The following GLCCI1 variants were observed in gnomAD, a reference collection of about 807,000 sequenced individuals.
GLCCI1 encodes the protein glucocorticoid-induced transcript 1 protein.
Under a neutral mutation model 52.2 loss-of-function variants are expected in GLCCI1, and 24 were observed. The observed-to-expected ratio is 0.46, with a 90% confidence interval of 0.33 to 0.65. The LOEUF is 0.65. Ranked by LOEUF, GLCCI1 falls within the 30% of genes least tolerant of loss-of-function variation. GLCCI1 has a pLI of 0.02. For synonymous variants in GLCCI1, 310 were observed against 276.5 expected, an observed-to-expected ratio of 1.12 and a Z score of -1.20; for missense variants, 704 against 701.5, an observed-to-expected ratio of 1.00 and a Z score of -0.04.
chr7:8,060,565 A>T (rs1024960637), intron 5 of GLCCI1, among the ~76,000 whole-genome samples: 8 of 152,208 alleles, frequency 5.3e-5, no homozygotes, highest in African/African-American at 1.9e-4. Flanking sequence ...TAGATGTTTC[A>T]TATCAATGGA....
At chr7:8,025,355 T>A (rs1025466901) in intron 3 of GLCCI1, among the ~76,000 whole-genome samples, 2 of 151,672 alleles carry the variant, frequency 1.3e-5, no homozygotes, top group Non-Finnish European at 2.9e-5. Context: ...AAATAAAAAA[T>A]AATAAAAGAA....
rs774932596 is a variant in GLCCI1, at chr7:7,992,599, T to C, written c.458-11309T>C. 4.6e-5 allele frequency among the ~76,000 whole-genome samples: 7 copies of C among 152,102 alleles called. 1 individual carries two copies. The highest frequency in any genetic ancestry group is 8.8e-5 in the Non-Finnish European group (6 of 67,966). On this transcript the variant is annotated intron_variant, in intron 1 of 7. Coordinates refer to ENST00000223145, the MANE Select transcript of GLCCI1 (RefSeq NM_138426.4). ...GATATAAGTATGTCCTTTCCGTATG[T>C]CCTTTCAAGTTATCTTTTATTTTAG...
intron 1 of GLCCI1, among the ~76,000 whole-genome samples, chr7:8,002,520 G>C (rs1781070111): frequency 6.6e-6 from 1 of 152,014 alleles, no homozygotes; most frequent in Non-Finnish European, 1.5e-5. Flanking sequence ...ATCAATTCTT[G>C]GGTCAAAGGA....
chr7:8,068,100 C>G (rs1782673001), intron 5 of GLCCI1, among the ~76,000 whole-genome samples: 1 of 152,052 alleles, frequency 6.6e-6, no homozygotes, highest in Non-Finnish European at 1.5e-5. Context: ...GCCTATAATC[C>G]TAGCACTTTG....
intron 6 of GLCCI1, chr7:8,078,549 TA>T (rs1355339700): frequency 1.2e-4 from 18 of 152,336 alleles, no homozygotes; most frequent in African/African-American, 4.3e-4. Flanking sequence ...TTTAAAAGAT[TA>T]AAAGTGTGTA....
At chr7:8,032,366 A>G (rs939439135) in intron 3 of GLCCI1, among the ~76,000 whole-genome samples, 1 of 152,080 alleles carries the variant, frequency 6.6e-6, no homozygotes, top group Admixed American at 6.6e-5. Flanking sequence ...GAAAAAGAAA[A>G]GCAAATCAGA....
At position 8,088,338 on chromosome 7, in the gene GLCCI1, C is replaced by G. The variant is rs1186736616; in HGVS notation, c.*1800C>G. The G allele has an allele frequency of 6.6e-6, 1 of 151,786 alleles. No homozygotes were observed. Among genetic ancestry groups the G allele is most frequent in the African/African-American group, 2.4e-5 (1 of 41,110 alleles). 9.4% of individuals were successfully genotyped at this position (151,786 alleles called of 1,614,324 possible). On this transcript the variant is annotated 3_prime_UTR_variant, in exon 8 of 8. Coordinates refer to ENST00000223145, the MANE Select transcript of GLCCI1 (RefSeq NM_138426.4). Reference sequence around the variant, plus strand: ...CCACCAAAGTTTGTCGTAATATTTTCTCCTGAAGGTGCATTCTGGCTCCTT... The same window carrying G: ...CCACCAAAGTTTGTCGTAATATTTTGTCCTGAAGGTGCATTCTGGCTCCTT...
chr7:8,036,823 G>T (rs1164385688), intron 3 of GLCCI1, among the ~76,000 whole-genome samples: 2 of 152,082 alleles, frequency 1.3e-5, no homozygotes, highest in Non-Finnish European at 2.9e-5. Flanking sequence ...CATGAAGACA[G>T]GTCCTGCAAG....
chr7:8,087,665 A>G lies in GLCCI1; in HGVS notation c.*1127A>G. 6.5e-6 allele frequency: 1 copy of G among 152,732 alleles called. No homozygotes were observed. 9.5% of individuals were successfully genotyped at this position (152,732 alleles called of 1,614,324 possible). A position where few individuals can be genotyped will look rare whatever the true frequency, so the allele number is the denominator to read the frequency against. The stretch of plus-strand genomic sequence containing the variant: ...CATACTTTTTGTTATTGTCTTCCTC[A>G]AGCAGTTTAGGTGCATGATCTTCAT... On this transcript the variant is annotated 3_prime_UTR_variant, in exon 8 of 8. Coordinates refer to ENST00000223145, the MANE Select transcript of GLCCI1 (RefSeq NM_138426.4).
intron 7 of GLCCI1, 76 bp downstream of exon 7, chr7:8,085,093 G>T (rs1783075434): frequency 1.3e-6 from 2 of 1,501,868 alleles, no homozygotes; most frequent in Non-Finnish European, 1.8e-6. Context: ...GATTACATAT[G>T]AATCAACTAC....
intron 3 of GLCCI1, among the ~76,000 whole-genome samples, chr7:8,023,143 G>A (rs559387137): frequency 2.0e-5 from 3 of 152,248 alleles, no homozygotes; most frequent in South Asian, 4.1e-4. Flanking sequence ...AGCCTCCCGA[G>A]TAGCTGGGAG....
chr7:8,010,322 G>C (rs1781239684), intron 2 of GLCCI1, among the ~76,000 whole-genome samples: 2 of 152,156 alleles, frequency 1.3e-5, no homozygotes, highest in African/African-American at 4.8e-5. Flanking sequence ...GATTTAAAAT[G>C]CTTTTGATTA....
chr7:8,019,093 A>G lies in GLCCI1; in HGVS notation c.610-3390A>G, dbSNP rs1262017327. The stretch of plus-strand genomic sequence containing the variant: ...TAATCATCAGCTTTAAATAGATTTG[A>G]TTTTGGTAGCCATCTTTTGGTTTTG... On this transcript the variant is annotated intron_variant, in intron 2 of 7. Coordinates refer to ENST00000223145, the MANE Select transcript of GLCCI1 (RefSeq NM_138426.4). 2.0e-5 allele frequency among the ~76,000 whole-genome samples: 3 copies of G among 152,206 alleles called. No individual in the cohort carries two copies. In the East Asian group the frequency reaches 5.8e-4, roughly 29 times the overall value.
intron 6 of GLCCI1, among the ~76,000 whole-genome samples, chr7:8,079,410 G>A (rs1038101335): frequency 6.7e-6 from 1 of 149,732 alleles, no homozygotes; most frequent in Non-Finnish European, 1.5e-5. Flanking sequence ...AAAATATTTT[G>A]TGCAATCCAA....
chr7:8,000,560 C>T (rs38004), intron 1 of GLCCI1, among the ~76,000 whole-genome samples: 63,216 of 151,640 alleles, frequency 0.42, 13,455 homozygotes, highest in Middle Eastern at 0.52. Context: ...CCAGAAGGCT[C>T]GCTACAATGT....
chr7:7,992,187 C>T (rs1780855724), intron 1 of GLCCI1, among the ~76,000 whole-genome samples: 1 of 150,900 alleles, frequency 6.6e-6, no homozygotes. Flanking sequence ...AGTTATCAGA[C>T]ATTCTGGAAA....
chr7:8,070,286 C>T (rs1260795938), intron 5 of GLCCI1: 2 of 152,166 alleles, frequency 1.3e-5, no homozygotes, highest in African/African-American at 4.8e-5. Flanking sequence ...AGTAGTCCTA[C>T]TTAGTTGGAT....
In GLCCI1 at chr7:8,007,462, G is replaced by A. The variant is rs1190552327; in HGVS notation, c.609+3403G>A. Among the ~76,000 whole-genome samples, 3 of 152,106 alleles carry A rather than the reference G, an allele frequency of 2.0e-5. No homozygotes were observed. The South Asian group carries it at 6.2e-4, about 32-fold the overall frequency. On this transcript the variant is annotated intron_variant, in intron 2 of 7. Coordinates refer to ENST00000223145, the MANE Select transcript of GLCCI1 (RefSeq NM_138426.4). ...CTTCAGCTGTCTATTGCCTTTTATG[G>A]CAACCACTAACTACTAACCTACTTC...
intron 2 of GLCCI1, among the ~76,000 whole-genome samples, chr7:8,022,152 C>A (rs1781506122): frequency 6.6e-6 from 1 of 152,110 alleles, no homozygotes; most frequent in African/African-American, 2.4e-5. Context: ...AATACCATTT[C>A]ATATTTAGTT....
Sources: allele counts gnomAD v4.1 joint callset (sites outside exome capture counted in the v4.1 genomes callset), GRCh38; gene constraint gnomAD v4.1.1; transcripts MANE v1.5; gene names NCBI Gene and HGNC (gene_info 2026-07-23, HGNC 2026-07-21).